The following USP32 variants were observed in gnomAD, a reference collection of about 807,000 sequenced individuals.
USP32 encodes ubiquitin carboxyl-terminal hydrolase 32.
USP32 carries 59 observed loss-of-function variants against 204.8 expected under a neutral mutation model. The observed-to-expected ratio is 0.29, with a 90% CI of 0.23 to 0.36. The LOEUF (loss-of-function observed/expected upper bound fraction) is 0.36. Ranked by LOEUF, USP32 falls within the 10% of genes least tolerant of loss-of-function variation. The pLI, the probability that USP32 is intolerant of heterozygous loss-of-function variation, is 1.00. For missense variants in USP32, 1,160 were observed against 1,946.4 expected, an observed-to-expected ratio of 0.60 and a Z score of 7.60; for synonymous variants, 517 against 678.4, an observed-to-expected ratio of 0.76 and a Z score of 3.70.
chr17:60,252,131 C>A (rs2086185153), intron 11 of USP32, among the ~76,000 whole-genome samples: 1 of 151,918 alleles, frequency 6.6e-6, no homozygotes, highest in African/African-American at 2.4e-5. Flanking sequence ...AACTGGCTAC[C>A]TTTTATCTCA....
At chr17:60,408,754 C>T (rs1402347783) in intron 1 of USP32, among the ~76,000 whole-genome samples, 1 of 151,824 alleles carries the variant, frequency 6.6e-6, no homozygotes, top group Non-Finnish European at 1.5e-5. Context: ...GGTTATGTAA[C>T]CTGAGCATGC....
chr17:60,231,578 G>T (rs1567787355), intron 12 of USP32: 1 of 518,484 alleles, frequency 1.9e-6, no homozygotes, highest in Admixed American at 1.9e-5. Flanking sequence ...CGATCCTCGA[G>T]GGCTGCTCTT....
intron 1 of USP32, among the ~76,000 whole-genome samples, chr17:60,366,916 A>G (rs1267049565): frequency 4.0e-5 from 6 of 151,894 alleles, no homozygotes; most frequent in Non-Finnish European, 8.8e-5. Flanking sequence ...TCCGCCTCCC[A>G]GGTTCACGCC....
At chr17:60,321,529 ACAAT>A (rs1467568265) in intron 2 of USP32, among the ~76,000 whole-genome samples, 1 of 152,228 alleles carries the variant, frequency 6.6e-6, no homozygotes. Flanking sequence ...TTAGGAAACG[ACAAT>A]CAATCAACAG....
chr17:60,326,033 G>C (rs1472759939), intron 2 of USP32, among the ~76,000 whole-genome samples: 2 of 148,882 alleles, frequency 1.3e-5, no homozygotes, highest in Non-Finnish European at 3.0e-5. Flanking sequence ...TGTACCAGAA[G>C]CAACTACTAG....
At chr17:60,262,954 C>CT (rs918942350) in intron 9 of USP32, among the ~76,000 whole-genome samples, 62 of 146,728 alleles carry the variant, frequency 4.2e-4, no homozygotes, top group African/African-American at 3.2e-4. Flanking sequence ...TGGTGCTAAC[C>CT]TTTTTTTTTT....
intron 1 of USP32, among the ~76,000 whole-genome samples, chr17:60,399,190 G>C (rs1037120405): frequency 2.6e-5 from 4 of 152,110 alleles, no homozygotes; most frequent in Middle Eastern, 6.3e-3. Context: ...GGCAAGCATT[G>C]TTCTAGGCGC....
intron 1 of USP32, among the ~76,000 whole-genome samples, chr17:60,421,006 A>G (rs1399644126): frequency 6.6e-6 from 1 of 152,156 alleles, no homozygotes; most frequent in Non-Finnish European, 1.5e-5. Flanking sequence ...TTCTCTCCTT[A>G]GGACTAATTC....
At chr17:60,209,645 T>C (rs1436105265) in intron 21 of USP32, 102 bp from the exon 22 acceptor site, 1 of 715,538 alleles carries the variant, frequency 1.4e-6, no homozygotes, top group African/African-American at 1.9e-5. Flanking sequence ...AAATAAATAG[T>C]ATAGTACTTA....
At chr17:60,345,392 A>T in intron 2 of USP32, 89 bp downstream of exon 2, 1 of 1,531,160 alleles carries the variant, frequency 6.5e-7, no homozygotes, top group Non-Finnish European at 8.8e-7. Flanking sequence ...GGTAAGATTA[A>T]ATCTGTTAAG....
At chr17:60,372,845 TAAA>T (rs746725190) in intron 1 of USP32, among the ~76,000 whole-genome samples, 3 of 88,386 alleles carry the variant, frequency 3.4e-5, no homozygotes, top group African/African-American at 7.9e-5. Flanking sequence ...AGACCCTGTC[TAAA>T]AAAAAAAAAA....
chr17:60,268,030 T>C (rs368210625), intron 7 of USP32, among the ~76,000 whole-genome samples: 1 of 152,078 alleles, frequency 6.6e-6, no homozygotes, highest in East Asian at 1.9e-4. Flanking sequence ...AGGCTGATCT[T>C]GAACTCCTGA....
At chr17:60,224,075 C>T (rs1038251140) in intron 13 of USP32, among the ~76,000 whole-genome samples, 5 of 152,196 alleles carry the variant, frequency 3.3e-5, no homozygotes, top group Non-Finnish European at 1.5e-5. Context: ...TCCACAAGTT[C>T]TTTTGAAAGA....
intron 5 of USP32, 106 bp downstream of exon 5, chr17:60,288,417 G>T: frequency 7.5e-7 from 1 of 1,342,214 alleles, no homozygotes; most frequent in Non-Finnish European, 1.0e-6. Flanking sequence ...TCCAGCCTGG[G>T]ACAGAATTTA....
chr17:60,247,333 C>G (rs1053105705), intron 11 of USP32, among the ~76,000 whole-genome samples: 2 of 151,524 alleles, frequency 1.3e-5, no homozygotes, highest in African/African-American at 4.9e-5. Context: ...GCGCCTGCCA[C>G]CATACCCAAC....
chr17:60,377,510 AT>A (rs2089569940), intron 1 of USP32, among the ~76,000 whole-genome samples: 2 of 152,316 alleles, frequency 1.3e-5, no homozygotes, highest in Non-Finnish European at 2.9e-5. Flanking sequence ...AAATTTCAGA[AT>A]TCATAAAGAT....
intron 9 of USP32, among the ~76,000 whole-genome samples, chr17:60,262,502 AT>A (rs1457500919): frequency 6.6e-6 from 1 of 152,098 alleles, no homozygotes; most frequent in Non-Finnish European, 1.5e-5. Flanking sequence ...TATATGACTT[AT>A]TTGTAAATGT....
upstream of USP32, among the ~76,000 whole-genome samples, chr17:60,396,810 C>G (rs1017052238): frequency 3.3e-5 from 5 of 152,202 alleles, no homozygotes; most frequent in African/African-American, 1.2e-4. Flanking sequence ...GTTTGGCAAA[C>G]AGACTACTCA....
exon 1 of USP32, chr17:60,422,402 AC>A: frequency 7.1e-7 from 1 of 1,403,818 alleles, no homozygotes; most frequent in Non-Finnish European, 9.5e-7. Context: ...AGCTGCAGCC[AC>A]CCCTAAGAAT....
Sources: gnomAD v4.1 joint callset for allele counts (sites outside exome capture counted in the v4.1 genomes callset) on GRCh38, gnomAD v4.1.1 for gene constraint, MANE v1.5 for transcripts, NCBI Gene and HGNC (gene_info 2026-07-23, HGNC 2026-07-21) for gene names.